Variants in ZFHX3 observed in about 807,000 individuals in gnomAD.
ZFHX3 encodes zinc finger homeobox 3.
A neutral mutation model predicts 279.1 loss-of-function variants in ZFHX3; 42 were observed. The observed-to-expected ratio is 0.15, with a 90% CI of 0.12 to 0.19. The LOEUF (loss-of-function observed/expected upper bound fraction) is 0.19, where lower values mean the gene tolerates loss of function less well. ZFHX3 is among the 10% of genes least tolerant of loss of function. The pLI, the probability that ZFHX3 is intolerant of heterozygous loss-of-function variation, is 1.00. For synonymous variants in ZFHX3, 2,293 were observed against 1,957.8 expected, an observed-to-expected ratio of 1.17 and a Z score of -4.52; for missense variants, 4,981 against 4,754.0, an observed-to-expected ratio of 1.05 and a Z score of -1.40.
chr16:72,898,986 G>A (rs1026006790), intron 3 of ZFHX3, among the ~76,000 whole-genome samples: 1 of 152,028 alleles, frequency 6.6e-6, no homozygotes, highest in Non-Finnish European at 1.5e-5. Context: ...CAACAAAGTG[G>A]GTCCCACCAA....
chr16:73,721,370 C>T (rs1434425700), intron 1 of ZFHX3, among the ~76,000 whole-genome samples: 1 of 152,146 alleles, frequency 6.6e-6, no homozygotes, highest in Non-Finnish European at 1.5e-5. Context: ...GATCTGCCCA[C>T]CTTGGCCTCC....
At chr16:73,787,767 G>A (rs1044965631) in intron 1 of ZFHX3, among the ~76,000 whole-genome samples, 2 of 150,978 alleles carry the variant, frequency 1.3e-5, no homozygotes, top group African/African-American at 4.9e-5. Context: ...CACTGGATAG[G>A]CCTACTCTAT....
At chr16:72,835,125 T>C (rs1021679525) in intron 4 of ZFHX3, among the ~76,000 whole-genome samples, 3 of 152,164 alleles carry the variant, frequency 2.0e-5, no homozygotes, top group Non-Finnish European at 4.4e-5. Context: ...AAGAATGAAA[T>C]TGTTCTTTCC....
chr16:73,267,695 G>T (rs1567435221), intron 4 of ZFHX3, among the ~76,000 whole-genome samples: 1 of 152,196 alleles, frequency 6.6e-6, no homozygotes, highest in Non-Finnish European at 1.5e-5. Flanking sequence ...GCCTGGGGTA[G>T]CCTTGAGAGG....
chr16:73,212,151 GATAAGCAAAA>G (rs2012041837), intron 5 of ZFHX3, among the ~76,000 whole-genome samples: 1 of 142,676 alleles, frequency 7.0e-6, no homozygotes, highest in Non-Finnish European at 1.5e-5. Context: ...AGAGAAAACA[GATAAGCAAAA>G]AGAAAAAAAA....
chr16:73,807,499 G>A (rs1344069812), intron 1 of ZFHX3, among the ~76,000 whole-genome samples: 1 of 152,118 alleles, frequency 6.6e-6, no homozygotes, highest in Non-Finnish European at 1.5e-5. Flanking sequence ...GTGTCTCCCA[G>A]GCTGGGGTGC....
In ZFHX3 at chr16:72,958,294, G is replaced by A. The variant is rs879114025; in HGVS notation, c.1852C>T (p.Pro618Ser). Residue 618 changes from proline (P) to serine (S), a missense_variant, in exon 2 of 10, where the codon CCC becomes TCC. Pro to Ser is a moderately conservative substitution (Grantham distance 74). Around this residue, in one of 7 missense-constraint regions of ZFHX3, gnomAD observed 1,068 missense variants for 935.2 expected, o/e 1.14. Transcript: ENST00000268489. ...STEGDDGGFVPHHQHAGSLCE... is the reference protein window; with the variant it reads ...STEGDDGGFVSHHQHAGSLCE... ...AGGGAGCCAGCGTGCTGGTGATGGG[G>A]AACGAAGCCCCCATCGTCACCCTCT... 6.2e-6 allele frequency: 10 copies of A among 1,614,012 alleles called. No homozygotes were observed. In the South Asian group the frequency reaches 1.1e-4, roughly 18 times the overall value.
chr16:73,522,072 T>C (rs2019617027), intron 2 of ZFHX3, among the ~76,000 whole-genome samples: 1 of 152,204 alleles, frequency 6.6e-6, no homozygotes, highest in South Asian at 2.1e-4. Flanking sequence ...CTTTACTTAA[T>C]GAATATAGGA....
intron 2 of ZFHX3, among the ~76,000 whole-genome samples, chr16:73,656,433 G>A (rs1051350702): frequency 6.6e-6 from 1 of 152,184 alleles, no homozygotes. Flanking sequence ...GAATTTTAAA[G>A]CAACACAAGG....
chr16:72,795,904 A>G lies in ZFHX3; in HGVS notation c.6778T>C (p.Phe2260Leu). The change falls in exon 9 of 10, where the codon TTC becomes CTC. Residue 2260 changes from phenylalanine to leucine, a missense_variant. Coordinates refer to ENST00000268489, the MANE Select transcript of ZFHX3 (RefSeq NM_006885.4). Reference sequence around the variant, plus strand: ...TTTGGGTAAGCATTGGCATCGAAGAAGTCCTGTAAGACCCTCAGCTGGTAG... The same window carrying G: ...TTTGGGTAAGCATTGGCATCGAAGAGGTCCTGTAAGACCCTCAGCTGGTAG... ...TDYQLRVLQD[F>L]FDANAYPKDD... 6.2e-7 allele frequency: 1 copy of G among 1,614,172 alleles called. No individual in the cohort carries two copies. The highest frequency in any genetic ancestry group is 8.5e-7 in the Non-Finnish European group (1 of 1,180,034).
At chr16:73,062,204 G>A (rs1040163043), upstream of ZFHX3, 3 of 152,156 alleles carry the variant, frequency 2.0e-5, no homozygotes, top group Admixed American at 2.0e-4. Flanking sequence ...GTGGAATGTA[G>A]GCTAAATATT....
chr16:73,505,334 T>C (rs2019307803), intron 2 of ZFHX3, among the ~76,000 whole-genome samples: 1 of 152,106 alleles, frequency 6.6e-6, no homozygotes, highest in Admixed American at 6.6e-5. Flanking sequence ...CTGAGAAAGC[T>C]TACGTCACTT....
chr16:73,656,576 C>T (rs2052722996), intron 2 of ZFHX3, among the ~76,000 whole-genome samples: 1 of 152,138 alleles, frequency 6.6e-6, no homozygotes, highest in Non-Finnish European at 1.5e-5. Context: ...TACATAGGAA[C>T]TTTATCCAAT....
chr16:73,302,934 A>G (rs1029230367), intron 4 of ZFHX3, among the ~76,000 whole-genome samples: 21 of 152,212 alleles, frequency 1.4e-4, no homozygotes, highest in Non-Finnish European at 2.6e-4. Context: ...AGGTGTTTAC[A>G]TTTTTAAAAT....
At chr16:72,941,950 C>CTACATGAAATGG (rs1960430822) in intron 3 of ZFHX3, among the ~76,000 whole-genome samples, 5 of 152,158 alleles carry the variant, frequency 3.3e-5, no homozygotes, top group African/African-American at 1.2e-4. Flanking sequence ...TAGTAACAGC[C>CTACATGAAATGG]TTTCCCACCC....
chr16:73,030,646 A>G (rs549486719), intron 1 of ZFHX3, among the ~76,000 whole-genome samples: 40 of 152,244 alleles, frequency 2.6e-4, no homozygotes, highest in African/African-American at 7.7e-4. Flanking sequence ...AGAAAAAAAA[A>G]AAGAAGAAGA....
chr16:72,861,654 T>A (rs1427336537), intron 4 of ZFHX3, among the ~76,000 whole-genome samples: 1 of 152,178 alleles, frequency 6.6e-6, no homozygotes, highest in Non-Finnish European at 1.5e-5. Context: ...ATTACCAACA[T>A]GCAAAAGATG....
At chr16:73,063,317 A>C (rs1965709564), upstream of ZFHX3, among the ~76,000 whole-genome samples, 1 of 152,154 alleles carries the variant, frequency 6.6e-6, no homozygotes, top group Non-Finnish European at 1.5e-5. Flanking sequence ...TGGAAATGGC[A>C]GAAGATGAGA....
At chr16:73,097,463 C>A (rs528376117) in intron 7 of ZFHX3, among the ~76,000 whole-genome samples, 24 of 152,236 alleles carry the variant, frequency 1.6e-4, no homozygotes, top group African/African-American at 5.3e-4. Flanking sequence ...CCATGAATAG[C>A]TTTCATGACT....
Sources: allele counts gnomAD v4.1 joint callset (sites outside exome capture counted in the v4.1 genomes callset), GRCh38; gene constraint gnomAD v4.1.1; regional missense constraint gnomAD v4.1.1; transcripts MANE v1.5; gene names NCBI Gene and HGNC (gene_info 2026-07-23, HGNC 2026-07-21).